The following UTRN variants were observed in gnomAD, a reference collection of about 807,000 sequenced individuals.
The protein encoded by UTRN is utrophin, also known as dystrophin-related protein 1.
In UTRN, 283 loss-of-function variants were observed where a neutral mutation model predicts 463.9. The observed-to-expected ratio is 0.61, with a 90% CI of 0.55 to 0.67. The LOEUF (loss-of-function observed/expected upper bound fraction) is 0.67. Ranked by LOEUF, UTRN falls within the 30% of genes least tolerant of loss-of-function variation. The probability of loss-of-function intolerance (pLI) is 0.00; values close to 1 mark genes in which losing one functional copy is unlikely to be tolerated. For synonymous variants in UTRN, 1,442 were observed against 1,431.5 expected, an observed-to-expected ratio of 1.01 and a Z score of -0.17; for missense variants, 3,922 against 4,084.3, an observed-to-expected ratio of 0.96 and a Z score of 1.08.
chr6:144,741,705 T>C (rs1790112307), intron 54 of UTRN, among the ~76,000 whole-genome samples: 1 of 152,132 alleles, frequency 6.6e-6, no homozygotes, highest in Admixed American at 6.6e-5. Flanking sequence ...ATGAAGAAAA[T>C]GGAAAGATCT....
At chr6:144,470,591 C>T (rs187316668) in intron 23 of UTRN, among the ~76,000 whole-genome samples, 124 of 151,462 alleles carry the variant, frequency 8.2e-4, no homozygotes, top group African/African-American at 2.8e-3. Flanking sequence ...ACTGGGCGGC[C>T]GGGCAGAGAC....
Position 144,812,216 on chromosome 6 carries a change from C to T in UTRN, c.9358-8666C>T, listed in dbSNP as rs183647786. ...TTGTTTGGTAATTAGAAGTTATTTA[C>T]GGGATTTAGGTTATTTGGTAGCATT... On this transcript the variant is annotated intron_variant, in intron 65 of 74. Coordinates refer to ENST00000367545, the MANE Select transcript of UTRN (RefSeq NM_007124.3). Among the ~76,000 whole-genome samples the T allele has an allele frequency of 1.2e-4, 18 of 148,986 alleles. No homozygotes were observed. The South Asian group carries it at 1.5e-3, about 12-fold the overall frequency.
At chr6:144,747,170 G>A (rs151233545) in intron 54 of UTRN, among the ~76,000 whole-genome samples, 1,667 of 152,324 alleles carry the variant, frequency 0.011, 14 homozygotes, top group Admixed American at 0.018. Context: ...AGTGGAAATT[G>A]CTAATGTGAT....
At chr6:144,611,026 T>C (rs986049630) in intron 51 of UTRN, among the ~76,000 whole-genome samples, 1 of 152,250 alleles carries the variant, frequency 6.6e-6, no homozygotes, top group East Asian at 1.9e-4. Context: ...CATTGGGATT[T>C]ATCCCCAGGA....
At chr6:144,462,499 G>C (rs1789522924) in intron 22 of UTRN, among the ~76,000 whole-genome samples, 155 bp from the exon 23 acceptor site, 1 of 152,172 alleles carries the variant, frequency 6.6e-6, no homozygotes, top group Non-Finnish European at 1.5e-5. Context: ...TTCCACAGTG[G>C]TTGAACTAAT....
At chr6:144,473,409 A>T (rs1462584149) in intron 23 of UTRN, among the ~76,000 whole-genome samples, 1 of 152,194 alleles carries the variant, frequency 6.6e-6, no homozygotes, top group Non-Finnish European at 1.5e-5. Flanking sequence ...TAGCTGATAA[A>T]ACCTAGAAAT....
At chr6:144,839,659 G>A (rs1056578050) in intron 72 of UTRN, among the ~76,000 whole-genome samples, 1 of 152,080 alleles carries the variant, frequency 6.6e-6, no homozygotes, top group African/African-American at 2.4e-5. Flanking sequence ...CAAACATTAT[G>A]GTTGTATCTG....
At position 144,461,140 on chromosome 6, in the gene UTRN, G is replaced by T. The variant is rs779097037; in HGVS notation, c.2708-57G>T. The T allele has an allele frequency of 4.2e-6, 6 of 1,433,904 alleles. No individual in the cohort carries two copies. In the African/African-American group the frequency reaches 5.8e-5, roughly 14 times the overall value. 88.8% of individuals were successfully genotyped at this position (1,433,904 alleles called of 1,614,324 possible). On this transcript the variant is annotated intron_variant, in intron 21 of 74. Transcript: ENST00000367545. ...GAATTCATTTAGGATAATGGTCTAT[G>T]TAATAATATTGGTTCCTAATATGAT...
In UTRN at chr6:144,550,598, T is replaced by G. The variant is rs138625406; in HGVS notation, c.6811-367T>G. 5.6e-3 allele frequency among the ~76,000 whole-genome samples: 852 copies of G among 152,348 alleles called. 7 individuals are homozygous for G. The highest frequency in any genetic ancestry group is 0.019 in the African/African-American group (779 of 41,578). ...CACAGAACAGATATGCAAGTCATCA[T>G]CAGCAGCAATAACTGCTAATGTTTT... On this transcript the variant is annotated intron_variant, in intron 47 of 74. Transcript: ENST00000367545.
chr6:144,700,941 C>T (rs1358808251), intron 53 of UTRN, among the ~76,000 whole-genome samples: 10 of 147,590 alleles, frequency 6.8e-5, no homozygotes, highest in African/African-American at 2.5e-4. Flanking sequence ...GAGTCTCGCT[C>T]TGTTGCCCAG....
At chr6:144,708,234 G>T in intron 53 of UTRN, 2 of 628,466 alleles carry the variant, frequency 3.2e-6, no homozygotes, top group South Asian at 1.5e-5. Context: ...TTGTAGTCCA[G>T]AGGTAATTCT....
chr6:144,505,464 A>G (rs1009008805), intron 34 of UTRN, among the ~76,000 whole-genome samples: 1 of 152,046 alleles, frequency 6.6e-6, no homozygotes, highest in African/African-American at 2.4e-5. Context: ...CTTTGTTCCC[A>G]TTGGTTTCAA....
rs896821517 is a variant in UTRN, at chr6:144,557,013, A to G, written c.7135-144A>G. On this transcript the variant is annotated intron_variant, in intron 49 of 74. Transcript: ENST00000367545. Reference sequence around the variant, plus strand: ...TAATTTTGGTTTAAGCTTACATATAACAAAAGGGTTTGCCCCCAGTCTGTT... The same window carrying G: ...TAATTTTGGTTTAAGCTTACATATAGCAAAAGGGTTTGCCCCCAGTCTGTT... 6 of 1,025,138 alleles carry G rather than the reference A, an allele frequency of 5.9e-6. No individual in the cohort carries two copies. The African/African-American group carries it at 8.2e-5, about 14-fold the overall frequency. The allele number at this position is 1,025,138 out of a possible 1,614,324, so 63.5% of individuals were successfully genotyped here.
At chr6:144,506,668 C>T (rs1412458418) in intron 34 of UTRN, among the ~76,000 whole-genome samples, 2 of 152,142 alleles carry the variant, frequency 1.3e-5, no homozygotes, top group African/African-American at 4.8e-5. Context: ...GGTAACCTGA[C>T]CTTTCTCTCT....
At chr6:144,315,062 C>A (rs1178437642) in intron 2 of UTRN, among the ~76,000 whole-genome samples, 1 of 151,974 alleles carries the variant, frequency 6.6e-6, no homozygotes, top group Non-Finnish European at 1.5e-5. Context: ...CAAACAGAGG[C>A]CAGGACCCAG....
At chr6:144,473,987 A>G (rs1033516836) in intron 24 of UTRN, among the ~76,000 whole-genome samples, 154 bp downstream of exon 24, 5 of 152,210 alleles carry the variant, frequency 3.3e-5, no homozygotes, top group African/African-American at 9.6e-5. Flanking sequence ...TTTATAGCTA[A>G]TAAAAGAATG....
chr6:144,776,562 T>C (rs1775343983), intron 60 of UTRN, among the ~76,000 whole-genome samples: 1 of 152,176 alleles, frequency 6.6e-6, no homozygotes, highest in African/African-American at 2.4e-5. Context: ...ACGTTGCACA[T>C]GGACCCAATG....
At position 144,658,333 on chromosome 6, in the gene UTRN, G is replaced by A. The variant is rs560624778; in HGVS notation, c.7480-20073G>A. On this transcript the variant is annotated intron_variant, in intron 51 of 74. Transcript: ENST00000367545. The stretch of plus-strand genomic sequence containing the variant: ...ACACATGCTATTTAAATACTGATAT[G>A]AAAATAAGTTAGGAATGAAATAGAA... Among the ~76,000 whole-genome samples, 3 of 152,234 alleles carry A rather than the reference G, an allele frequency of 2.0e-5. No homozygotes were observed. In the East Asian group the frequency reaches 5.8e-4, roughly 29 times the overall value.
At chr6:144,598,410 G>C (rs1585480982) in intron 51 of UTRN, among the ~76,000 whole-genome samples, 1 of 152,168 alleles carries the variant, frequency 6.6e-6, no homozygotes, top group Non-Finnish European at 1.5e-5. Context: ...AGGGGTTGCA[G>C]AGACCAAGGT....
Sources: allele counts gnomAD v4.1 joint callset (sites outside exome capture counted in the v4.1 genomes callset), GRCh38; gene constraint gnomAD v4.1.1; transcripts MANE v1.5; gene names NCBI Gene and HGNC (gene_info 2026-07-23, HGNC 2026-07-21).